Variants in NFIC observed in about 807,000 individuals in gnomAD.
The protein encoded by NFIC is nuclear factor 1 C-type.
A neutral mutation model predicts 54.4 loss-of-function variants in NFIC; 12 were observed. The observed-to-expected ratio is 0.22, with a 90% CI of 0.14 to 0.36. The LOEUF (loss-of-function observed/expected upper bound fraction) is 0.36. Ranked by LOEUF, NFIC falls within the 10% of genes least tolerant of loss-of-function variation. The pLI, the probability that NFIC is intolerant of heterozygous loss-of-function variation, is 1.00. For missense variants in NFIC, 575 were observed against 718.2 expected (o/e 0.80, Z 2.28); for synonymous variants, 322 against 319.2 (o/e 1.01, Z -0.09).
intron 1 of NFIC, 57 bp downstream of exon 1, chr19:3,366,723 C>CGGAGTTTT (rs1342480915): frequency 7.9e-7 from 1 of 1,263,262 alleles, no homozygotes; most frequent in Non-Finnish European, 1.0e-6. Flanking sequence ...ATCCCAGCCC[C>CGGAGTTTT]GGAGTTTTGA....
intron 9 of NFIC, among the ~76,000 whole-genome samples, chr19:3,456,186 G>A (rs375221376): frequency 3.3e-4 from 50 of 152,200 alleles, no homozygotes; most frequent in East Asian, 1.5e-3. Context: ...CATGCACCCC[G>A]CGCGGAGGCA....
In NFIC at chr19:3,435,073, C is replaced by T; in HGVS notation, c.834-10C>T. ...TGGTAACCAGCCTCTCCCCTTCCCT[C>T]GCCCATAAGGAGCAAGCGGCACAAA... On this transcript the variant is annotated splice_polypyrimidine_tract_variant and intron_variant, in intron 5 of 10. Coordinates refer to ENST00000443272, the MANE Select transcript of NFIC (RefSeq NM_001245002.2). The T allele has an allele frequency of 6.3e-7, 1 of 1,579,798 alleles. No individual in the cohort carries two copies. Among genetic ancestry groups the T allele is most frequent in the Non-Finnish European group, 8.6e-7 (1 of 1,157,924 alleles).
intron 3 of NFIC, among the ~76,000 whole-genome samples, chr19:3,425,711 C>A (rs1000316397): frequency 1.3e-5 from 2 of 151,778 alleles, no homozygotes; most frequent in Non-Finnish European, 2.9e-5. Flanking sequence ...CCGCCTACCT[C>A]GGCCTCCCAA....
chr19:3,429,672 C>T (rs1056889067), intron 3 of NFIC, among the ~76,000 whole-genome samples: 8 of 152,158 alleles, frequency 5.3e-5, no homozygotes, highest in East Asian at 1.9e-4. Flanking sequence ...CCCTGCAGTC[C>T]GTGCTGCCCC....
At chr19:3,435,254 C>T (rs376022250) in intron 6 of NFIC, 47 bp downstream of exon 6, 383 of 1,510,520 alleles carry the variant, frequency 2.5e-4, no homozygotes, top group Admixed American at 6.2e-4. Flanking sequence ...TCTGAGTCAC[C>T]GTGGCGGGAA....
rs569934147 is a variant in NFIC, at chr19:3,466,577, C to G, written c.*3808C>G. 2.4e-4 allele frequency: 36 copies of G among 152,266 alleles called. No individual in the cohort carries two copies. The highest frequency in any genetic ancestry group is 8.7e-4 in the African/African-American group (36 of 41,536). The allele number at this position is 152,266 out of a possible 1,614,324, so 9.4% of individuals were successfully genotyped here. A position where few individuals can be genotyped will look rare whatever the true frequency, so the allele number is the denominator to read the frequency against. ...GAGAGCCCAGACCACCACAGCTGGC[C>G]ACGACATTGCCCTTAAGTAATATGC... On this transcript the variant is annotated 3_prime_UTR_variant, in exon 11 of 11. Transcript: ENST00000443272. The surrounding 1 kb of genome is among the most constrained non-coding windows in gnomAD (Gnocchi z 4.8).
intron 2 of NFIC, among the ~76,000 whole-genome samples, chr19:3,400,595 C>T (rs1285732966): frequency 2.0e-5 from 3 of 152,244 alleles, no homozygotes; most frequent in Non-Finnish European, 1.5e-5. Flanking sequence ...CATCCCAGCA[C>T]TGTGGGGGGC....
At chr19:3,428,613 G>T (rs2082065058) in intron 3 of NFIC, among the ~76,000 whole-genome samples, 1 of 152,106 alleles carries the variant, frequency 6.6e-6, no homozygotes, top group African/African-American at 2.4e-5. Flanking sequence ...TCCTCCGTCT[G>T]TGACCCGGGT....
Position 3,415,182 on chromosome 19 carries a change from G to A in NFIC, c.563-9924G>A, listed in dbSNP as rs138608075. On this transcript the variant is annotated intron_variant, in intron 2 of 10. Transcript: ENST00000443272. Reference sequence around the variant, plus strand: ...GTCTGGAGTGCAGTGGTACGATCTCGGCTCACTGCAGCCTCCACCTGCCAG... The same window carrying A: ...GTCTGGAGTGCAGTGGTACGATCTCAGCTCACTGCAGCCTCCACCTGCCAG... Among the ~76,000 whole-genome samples, 246 of 148,200 alleles carry A rather than the reference G, an allele frequency of 1.7e-3. 4 individuals are homozygous for A. The highest frequency in any genetic ancestry group is 8.8e-3 in the Admixed American group (129 of 14,688).
chr19:3,372,249 G>A (rs1314772972), intron 1 of NFIC, among the ~76,000 whole-genome samples: 1 of 152,054 alleles, frequency 6.6e-6, no homozygotes, highest in Non-Finnish European at 1.5e-5. Flanking sequence ...TCAAACTCCT[G>A]ACCTCAGGTG....
chr19:3,430,547 C>A (rs552802957), intron 3 of NFIC, among the ~76,000 whole-genome samples: 6 of 152,062 alleles, frequency 3.9e-5, no homozygotes, highest in African/African-American at 1.4e-4. Context: ...TTTCATCCCC[C>A]CTAAAAGAAA....
chr19:3,464,768 G>A lies in NFIC; in HGVS notation c.*1999G>A, dbSNP rs2082694481. On this transcript the variant is annotated 3_prime_UTR_variant, in exon 11 of 11. Transcript: ENST00000443272. Reference sequence around the variant, plus strand: ...CCCCCATCACCCCCAAGAGAGGTTCGCCATCCTCTGGCCTCGAGCCCTTGG... The same window carrying A: ...CCCCCATCACCCCCAAGAGAGGTTCACCATCCTCTGGCCTCGAGCCCTTGG... The A allele has an allele frequency of 4.2e-6, 4 of 955,546 alleles. No homozygotes were observed. Among genetic ancestry groups the A allele is most frequent in the Non-Finnish European group, 5.0e-6 (4 of 802,894 alleles). 59.2% of individuals were successfully genotyped at this position (955,546 alleles called of 1,614,324 possible).
chr19:3,416,397 GTAGGTATATAAAATATGCCATA>G (rs1162770492), intron 2 of NFIC, among the ~76,000 whole-genome samples: 4 of 149,772 alleles, frequency 2.7e-5, no homozygotes, highest in African/African-American at 9.8e-5. Context: ...TATATGGCCT[GTAGGTATATAAAATATGCCATA>G]TAGGTATATA....
chr19:3,391,705 G>A (rs1249106649), intron 2 of NFIC, among the ~76,000 whole-genome samples: 3 of 152,120 alleles, frequency 2.0e-5, no homozygotes, highest in African/African-American at 7.2e-5. Flanking sequence ...GCTGAGGCAG[G>A]AGAATCACTT....
Position 3,381,701 on chromosome 19 carries a change from C to T in NFIC, c.31-11C>T, listed in dbSNP as rs371935272. 1.1e-4 allele frequency: 176 copies of T among 1,612,782 alleles called. 2 individuals carry two copies. In the South Asian group the frequency reaches 1.9e-3, roughly 17 times the overall value. ...CTGGCGCTCCTGACCTCTCGCCTCTCCGGCCTGCAGGATGAGTTCCACCCG... is the reference window on the plus strand; with the variant it reads ...CTGGCGCTCCTGACCTCTCGCCTCTTCGGCCTGCAGGATGAGTTCCACCCG... On this transcript the variant is annotated splice_polypyrimidine_tract_variant and intron_variant, in intron 1 of 10. Transcript: ENST00000443272.
intron 2 of NFIC, among the ~76,000 whole-genome samples, chr19:3,398,027 G>T (rs930470804): frequency 6.6e-6 from 1 of 152,086 alleles, no homozygotes; most frequent in Non-Finnish European, 1.5e-5. Flanking sequence ...CACCCCTGTG[G>T]GTTGCTGGGC....
chr19:3,456,798 CTCCCT>C, intron 10 of NFIC, 163 bp downstream of exon 10: 1 of 681,976 alleles, frequency 1.5e-6, no homozygotes, highest in Non-Finnish European at 2.5e-6. Context: ...CACCTGGCCT[CTCCCT>C]GAGGCCAAAT....
rs979909130 is a variant in NFIC at position 3,375,957 on chromosome 19, A to G, written c.31-5755A>G. On this transcript the variant is annotated intron_variant, in intron 1 of 10. Transcript: ENST00000443272. This position sits in a 1 kb window ranked among gnomAD's most constrained non-coding sequence, Gnocchi z 4.6. ...TACAGAGAACAGGCTGTTCTGAGAA[A>G]GGGACCCGTGGCCTTCCAGGGGGTC... is the stretch of plus-strand genomic sequence containing the variant. Among the ~76,000 whole-genome samples, 2 of 152,062 alleles carry G rather than the reference A, an allele frequency of 1.3e-5. No homozygotes were observed. Among genetic ancestry groups the G allele is most frequent in the African/African-American group, 2.4e-5 (1 of 41,422 alleles).
At chr19:3,387,314 C>T (rs2081312054) in intron 2 of NFIC, among the ~76,000 whole-genome samples, 1 of 152,136 alleles carries the variant, frequency 6.6e-6, no homozygotes. Context: ...CCAGCCTGGC[C>T]AACATGGTGA....
Sources: allele counts gnomAD v4.1 joint callset (sites outside exome capture counted in the v4.1 genomes callset), GRCh38; gene constraint gnomAD v4.1.1; non-coding constraint Gnocchi (gnomAD v3.1); transcripts MANE v1.5; gene names NCBI Gene and HGNC (gene_info 2026-07-23, HGNC 2026-07-21).